The following OTC variants were observed in gnomAD, a reference collection of about 807,000 sequenced individuals.
OTC encodes ornithine transcarbamylase, also known as ornithine transcarbamylase, mitochondrial.
In OTC, 3 loss-of-function variants were observed where a neutral mutation model predicts 30.3. That is an observed-to-expected ratio of 0.10 (90% CI 0.05 to 0.26). The LOEUF (loss-of-function observed/expected upper bound fraction) is 0.26. OTC is among the 10% of genes least tolerant of loss of function. The pLI is 1.00. For synonymous variants in OTC, 111 were observed against 99.7 expected, an observed-to-expected ratio of 1.11 and a Z score of -0.67; for missense variants, 194 against 260.3, an observed-to-expected ratio of 0.75 and a Z score of 1.75.
intron 4 of OTC, among the ~76,000 whole-genome samples, chrX:38,386,421 T>G (rs2147333415): frequency 9.2e-6 from 1 of 108,498 alleles, no homozygotes; most frequent in South Asian, 4.1e-4. Flanking sequence ...TTCATTCATC[T>G]TCTATAACTG....
intron 1 of OTC, among the ~76,000 whole-genome samples, chrX:38,357,903 CAGTGACAGTTTTGATGGAGT>C (rs1242629599): frequency 8.9e-6 from 1 of 111,820 alleles, no homozygotes; most frequent in African/African-American, 3.3e-5. Context: ...GACCAGACTG[CAGTGACAGTTTTGATGGAGT>C]ATTTGTACGT....
At chrX:38,381,871 G>A (rs199787224) in intron 4 of OTC, among the ~76,000 whole-genome samples, 1 of 86,537 alleles carries the variant, frequency 1.2e-5, no homozygotes, top group Non-Finnish European at 2.3e-5. Context: ...TAACAACCCA[G>A]ATTGTCATAA....
At chrX:38,344,167 A>G in the OTC span, among the ~76,000 whole-genome samples, 1 of 109,879 alleles carries the variant, frequency 9.1e-6, no homozygotes, top group Non-Finnish European at 1.9e-5. Flanking sequence ...CAAACAAAAA[A>G]CATAAAAAAT....
chrX:38,422,232 G>T (rs1179448091), downstream of OTC, among the ~76,000 whole-genome samples: 2 of 111,987 alleles, frequency 1.8e-5, no homozygotes, highest in Non-Finnish European at 3.8e-5. Flanking sequence ...AGCAAGGGAT[G>T]AATTACAAAT....
chrX:38,335,523 G>A, the OTC span, among the ~76,000 whole-genome samples: 1 of 112,598 alleles, frequency 8.9e-6, no homozygotes, highest in Non-Finnish European at 1.9e-5. Flanking sequence ...TTTTCATGCT[G>A]CATTATTGCA....
intron 1 of OTC, among the ~76,000 whole-genome samples, chrX:38,357,993 T>G (rs748167560): frequency 4.5e-5 from 5 of 111,643 alleles, no homozygotes; most frequent in South Asian, 7.6e-4. Flanking sequence ...TGAATAATAA[T>G]AATGTGGTTT....
the OTC span, among the ~76,000 whole-genome samples, chrX:38,334,869 C>T: frequency 9.0e-6 from 1 of 111,425 alleles, no homozygotes; most frequent in South Asian, 3.8e-4. Context: ...AGCATTACCG[C>T]CTGAGCTTCA....
chrX:38,408,944 A>G lies in OTC; in HGVS notation c.786A>G (p.Thr262=). The change falls in exon 8 of 10, where the codon ACA becomes ACG. Residue 262 remains threonine, a synonymous_variant. Coordinates refer to ENST00000039007, the MANE Select transcript of OTC (RefSeq NM_000531.6). ...EAAHGGNVLI[T]DTWISMGQEE... ...CGCATGGAGGCAATGTATTAATTAC[A>G]GACACTTGGATAAGCATGGGACAAG... is the stretch of plus-strand genomic sequence containing the variant. 8.3e-7 allele frequency: 1 copy of G among 1,210,827 alleles called. No homozygotes were observed. The highest frequency in any genetic ancestry group is 1.1e-6 in the Non-Finnish European group (1 of 894,499).
chrX:38,399,203 G>A (rs2068471976), intron 4 of OTC, among the ~76,000 whole-genome samples: 1 of 111,140 alleles, frequency 9.0e-6, no homozygotes, highest in Admixed American at 9.6e-5. Flanking sequence ...TGGAAACCTT[G>A]TTAAAATGCA....
At chrX:38,378,953 T>A (rs974889632) in intron 3 of OTC, among the ~76,000 whole-genome samples, 1 of 111,455 alleles carries the variant, frequency 9.0e-6, no homozygotes, top group African/African-American at 3.3e-5. Flanking sequence ...GTAGGGCTTG[T>A]GCAGTTTGAA....
rs756772340 is a variant in OTC at position 38,411,890 on chromosome X, C to T, written c.896C>T (p.Thr299Ile). 1.7e-5 allele frequency: 21 copies of T among 1,209,206 alleles called. No homozygotes were observed. In the South Asian group the frequency reaches 3.5e-4, roughly 20 times the overall value. ...GCTAAAGTTGCTGCCTCTGACTGGA[C>T]ATTTTTACACTGCTTGCCCAGAAAG... ...KTAKVAASDW[T>I]FLHCLPRKPE... The change falls in exon 9 of 10, where the codon ACA (threonine) becomes ATA (isoleucine). Residue 299 changes from threonine to isoleucine, a missense_variant. By Grantham distance (89) the Thr-to-Ile change is moderately conservative. Coordinates refer to ENST00000039007, the MANE Select transcript of OTC (RefSeq NM_000531.6).
At chrX:38,405,817 T>A in intron 6 of OTC, among the ~76,000 whole-genome samples, 1 of 111,784 alleles carries the variant, frequency 8.9e-6, no homozygotes, top group Non-Finnish European at 1.9e-5. Context: ...GAAGGGTGAG[T>A]ACACTCTCTA....
At chrX:38,377,981 C>T (rs1039027683) in intron 3 of OTC, among the ~76,000 whole-genome samples, 4 of 109,265 alleles carry the variant, frequency 3.7e-5, no homozygotes, top group African/African-American at 6.7e-5. Flanking sequence ...GGATTACAGG[C>T]GCCCGCCACC....
the OTC span, among the ~76,000 whole-genome samples, chrX:38,332,504 T>C: frequency 2.5e-5 from 1 of 39,379 alleles, no homozygotes; most frequent in African/African-American, 8.8e-5. Flanking sequence ...GCCCTAGATT[T>C]TATATATATA....
intron 1 of OTC, among the ~76,000 whole-genome samples, chrX:38,361,981 A>T (rs995978874): frequency 1.9e-5 from 2 of 103,159 alleles, no homozygotes; most frequent in African/African-American, 3.9e-5. Flanking sequence ...GCCTGTGTTT[A>T]AAAAAAAAAC....
chrX:38,353,576 T>C (rs757819537), intron 1 of OTC, among the ~76,000 whole-genome samples: 13 of 111,732 alleles, frequency 1.2e-4, no homozygotes, highest in African/African-American at 3.9e-4. Context: ...AAGAAGCTTT[T>C]GGTCTGAAGT....
chrX:38,412,803 A>G (rs895592989), intron 9 of OTC, among the ~76,000 whole-genome samples: 1 of 112,034 alleles, frequency 8.9e-6, no homozygotes, highest in African/African-American at 3.2e-5. Flanking sequence ...GGCTCCCAGA[A>G]TCTTTTGGGA....
At chrX:38,415,685 T>C (rs1324517513) in intron 9 of OTC, among the ~76,000 whole-genome samples, 1 of 110,412 alleles carries the variant, frequency 9.1e-6, no homozygotes, top group Non-Finnish European at 1.9e-5. Context: ...AAACTCTGTC[T>C]CTACTAAAAA....
chrX:38,350,820 A>G (rs759726916), upstream of OTC, among the ~76,000 whole-genome samples: 1 of 110,868 alleles, frequency 9.0e-6, no homozygotes. Flanking sequence ...TTTCTCCCCA[A>G]GCATTACCAA....
Sources: gnomAD v4.1 joint callset for allele counts (sites outside exome capture counted in the v4.1 genomes callset) on GRCh38, gnomAD v4.1.1 for gene constraint, MANE v1.5 for transcripts, NCBI Gene and HGNC (gene_info 2026-07-23, HGNC 2026-07-21) for gene names.